Variants in SULT2B1 observed in about 807,000 individuals in gnomAD.
The protein encoded by SULT2B1 is sulfotransferase 2B1.
In SULT2B1, 16 loss-of-function variants were observed where a neutral mutation model predicts 33.2. That is an observed-to-expected ratio of 0.48 (90% CI 0.33 to 0.73). The LOEUF is 0.73. Among genes scored for constraint, SULT2B1 ranks in the 30% least tolerant of loss-of-function variants. The pLI, the probability that SULT2B1 is intolerant of heterozygous loss-of-function variation, is 0.02. For missense variants in SULT2B1, 500 were observed against 506.0 expected (o/e 0.99, Z 0.11); for synonymous variants, 186 against 200.5 (o/e 0.93, Z 0.61).
At chr19:48,585,404 A>G (rs1379362611) in intron 2 of SULT2B1, among the ~76,000 whole-genome samples, 1 of 151,890 alleles carries the variant, frequency 6.6e-6, no homozygotes, top group African/African-American at 2.4e-5. Flanking sequence ...GCAGTGGCTT[A>G]CTCCTGTAAT....
rs146199650 is a variant in SULT2B1 at position 48,589,280 on chromosome 19, A to C, written c.423+1843A>C. On this transcript the variant is annotated intron_variant, in intron 3 of 6. Coordinates refer to ENST00000201586, the MANE Select transcript of SULT2B1 (RefSeq NM_177973.2). ...AAGGGTGACTCCAAGGTTTCGGCGG[A>C]AGCAACTGTCAGGGTGGGGCAACTG... is the stretch of plus-strand genomic sequence containing the variant. Among the ~76,000 whole-genome samples, 1,074 of 151,800 alleles carry C rather than the reference A, an allele frequency of 7.1e-3. 11 individuals carry two copies. The highest frequency in any genetic ancestry group is 0.024 in the African/African-American group (1,000 of 41,374).
chr19:48,561,799 G>C (rs1418576100), intron 1 of SULT2B1, among the ~76,000 whole-genome samples: 1 of 152,142 alleles, frequency 6.6e-6, no homozygotes, highest in Non-Finnish European at 1.5e-5. Flanking sequence ...CTACATCCCA[G>C]AGCCCCACTC....
In SULT2B1 at chr19:48,592,726, G is replaced by C. The variant is rs764776470; in HGVS notation, c.555G>C (p.Gln185His). Reference sequence around the variant, plus strand: ...CACTTGTCCCTCTGCCCACAGTGCAGTTTGGCTCCTGGTTCGACCACATTA... The same window carrying C: ...CACTTGTCCCTCTGCCCACAGTGCACTTTGGCTCCTGGTTCGACCACATTA... ...FLRDFLKGEV[Q>H]FGSWFDHIKG... is the part of the protein sequence containing the mutation. Residue 185 changes from glutamine (Q) to histidine (H), a missense_variant, in exon 5 of 7, where the codon CAG becomes CAC. Gln to His is a conservative substitution (Grantham distance 24). Transcript: ENST00000201586. 1 of 1,593,702 alleles carries C rather than the reference G, an allele frequency of 6.3e-7. No homozygotes were observed. The highest frequency in any genetic ancestry group is 2.3e-5 in the East Asian group (1 of 44,340).
At chr19:48,554,493 C>A (rs1806554702) in intron 1 of SULT2B1, among the ~76,000 whole-genome samples, 1 of 145,300 alleles carries the variant, frequency 6.9e-6, no homozygotes, top group Non-Finnish European at 1.5e-5. Flanking sequence ...GCCACAGCCC[C>A]AGCTCAGGCC....
At chr19:48,575,100 C>T (rs1050443597) in intron 1 of SULT2B1, among the ~76,000 whole-genome samples, 129 of 81,448 alleles carry the variant, frequency 1.6e-3, no homozygotes, top group Non-Finnish European at 2.5e-3. Flanking sequence ...CTGTTTTAAC[C>T]TTTTTTTTTT....
intron 3 of SULT2B1, among the ~76,000 whole-genome samples, chr19:48,588,948 A>G (rs1048145390): frequency 6.6e-6 from 1 of 152,218 alleles, no homozygotes; most frequent in African/African-American, 2.4e-5. Flanking sequence ...AACAGGGGCC[A>G]AAATGTGCAG....
chr19:48,563,836 A>G (rs2147601014), intron 1 of SULT2B1, among the ~76,000 whole-genome samples: 1 of 152,140 alleles, frequency 6.6e-6, no homozygotes, highest in Non-Finnish European at 1.5e-5. Flanking sequence ...GTGTTGGCAC[A>G]TGCCTGTAAT....
intron 1 of SULT2B1, among the ~76,000 whole-genome samples, chr19:48,575,100 C>CTTTTTTTTTTTT (rs66515808): frequency 1.2e-5 from 1 of 81,430 alleles, no homozygotes; most frequent in Non-Finnish European, 2.2e-5. Flanking sequence ...CTGTTTTAAC[C>CTTTTTTTTTTTT]TTTTTTTTTT....
intron 1 of SULT2B1, among the ~76,000 whole-genome samples, chr19:48,571,289 C>A (rs373174283): frequency 2.0e-5 from 3 of 151,716 alleles, no homozygotes; most frequent in African/African-American, 7.3e-5. Flanking sequence ...CTCTGCCTCC[C>A]GGGTTCAAGC....
chr19:48,564,417 G>A (rs561191708), intron 1 of SULT2B1, among the ~76,000 whole-genome samples: 66 of 150,524 alleles, frequency 4.4e-4, no homozygotes, highest in African/African-American at 1.6e-3. Context: ...GCTGGGCGTG[G>A]TGGCAGGTGC....
At chr19:48,592,911 C>T in intron 5 of SULT2B1, 95 bp downstream of exon 5, 2 of 1,071,918 alleles carry the variant, frequency 1.9e-6, no homozygotes, top group Non-Finnish European at 2.8e-6. Flanking sequence ...GACCCCTCCG[C>T]TTCCCCATGC....
At chr19:48,556,542 C>A (rs1568401771) in intron 1 of SULT2B1, among the ~76,000 whole-genome samples, 1 of 151,978 alleles carries the variant, frequency 6.6e-6, no homozygotes. Flanking sequence ...CGTGGAAACT[C>A]CCCGTGGTGG....
At chr19:48,589,108 C>A (rs1973608079) in intron 3 of SULT2B1, among the ~76,000 whole-genome samples, 1 of 152,150 alleles carries the variant, frequency 6.6e-6, no homozygotes, top group Non-Finnish European at 1.5e-5. Flanking sequence ...AGAGCAGAAG[C>A]CGGGAAGCCC....
intron 1 of SULT2B1, among the ~76,000 whole-genome samples, chr19:48,559,664 TG>T (rs1433512581): frequency 6.6e-6 from 1 of 152,154 alleles, no homozygotes; most frequent in African/African-American, 2.4e-5. Flanking sequence ...TGGGACCCAG[TG>T]GGTCACCCAT....
At chr19:48,577,026 C>G (rs1177676344) in intron 2 of SULT2B1, among the ~76,000 whole-genome samples, 1 of 108,616 alleles carries the variant, frequency 9.2e-6, no homozygotes, top group African/African-American at 3.5e-5. Flanking sequence ...AAACCCCCCT[C>G]TATTTTTTTT....
rs758802961 is a variant in SULT2B1 at position 48,587,453 on chromosome 19, G to A, written c.423+16G>A. 1 of 1,614,028 alleles carries A rather than the reference G, an allele frequency of 6.2e-7. No homozygotes were observed. On this transcript the variant is annotated intron_variant, in intron 3 of 6. Coordinates refer to ENST00000201586, the MANE Select transcript of SULT2B1 (RefSeq NM_177973.2). The stretch of plus-strand genomic sequence containing the variant: ...CAAGGCCAAGGTTGGGAGGAGGGGT[G>A]TGTGTCAGTTGGGAGGGGCTGCATG...
rs111256801 is a variant in SULT2B1 at position 48,591,877 on chromosome 19, G to A, written c.550+142G>A. On this transcript the variant is annotated intron_variant, in intron 4 of 6. Coordinates refer to ENST00000201586, the MANE Select transcript of SULT2B1 (RefSeq NM_177973.2). ...AAGGGGCAATAGAGACAGAGAGCAG[G>A]TGGCCAGGAGAAGAGACGGAGGGAG... 7.3e-6 allele frequency: 7 copies of A among 960,266 alleles called. No individual in the cohort carries two copies. In the African/African-American group the frequency reaches 2.2e-4, roughly 30 times the overall value. 59.5% of individuals were successfully genotyped at this position (960,266 alleles called of 1,614,324 possible).
intron 2 of SULT2B1, among the ~76,000 whole-genome samples, chr19:48,579,166 ATATTT>A (rs752932123): frequency 6.6e-5 from 10 of 152,052 alleles, no homozygotes; most frequent in Non-Finnish European, 5.9e-5. Context: ...TGGTCCAATA[ATATTT>A]TATGTTATGT....
intron 2 of SULT2B1, 132 bp from the exon 3 acceptor site, chr19:48,587,097 G>GTCT (rs1973571640): frequency 6.1e-6 from 4 of 653,222 alleles, no homozygotes; most frequent in Admixed American, 3.2e-5. Flanking sequence ...GGGCAACAGA[G>GTCT]TAAGACTCTG....
Sources: gnomAD v4.1 joint callset for allele counts (sites outside exome capture counted in the v4.1 genomes callset) on GRCh38, gnomAD v4.1.1 for gene constraint, MANE v1.5 for transcripts, NCBI Gene and HGNC (gene_info 2026-07-23, HGNC 2026-07-21) for gene names.